The following SRRM1 variants were observed in gnomAD, a reference collection of about 807,000 sequenced individuals.
The protein encoded by SRRM1 is serine and arginine repetitive matrix 1.
Under a neutral mutation model 110.2 loss-of-function variants are expected in SRRM1, and 19 were observed. That is an observed-to-expected ratio of 0.17 (90% CI 0.12 to 0.25). SRRM1 has a LOEUF of 0.25. SRRM1 is among the 10% of genes least tolerant of loss of function. The pLI is 1.00. For synonymous variants in SRRM1, 443 were observed against 414.9 expected (o/e 1.07, Z -0.82); for missense variants, 918 against 1,145.8 (o/e 0.80, Z 2.87).
chr1:24,660,638 A>G (rs1666700227), intron 9 of SRRM1, 81 bp from the exon 10 acceptor site: 1 of 636,300 alleles, frequency 1.6e-6, no homozygotes, highest in Non-Finnish European at 2.6e-6. Context: ...ATAATAATAA[A>G]TTTTTAAAAA....
In SRRM1 at chr1:24,672,929, G is replaced by C. The variant is rs1381027323; in HGVS notation, c.*643G>C. Reference sequence around the variant, plus strand: ...TATTGATGTGTAACAAGTTGATTTGGAACACTGGACTCTCATTCTGTTATT... The same window carrying C: ...TATTGATGTGTAACAAGTTGATTTGCAACACTGGACTCTCATTCTGTTATT... On this transcript the variant is annotated 3_prime_UTR_variant, in exon 17 of 17. Coordinates refer to ENST00000323848, the MANE Select transcript of SRRM1 (RefSeq NM_005839.4). 1.3e-5 allele frequency: 2 copies of C among 152,454 alleles called. No individual in the cohort carries two copies. Among genetic ancestry groups the C allele is most frequent in the Non-Finnish European group, 2.9e-5 (2 of 68,042 alleles). The allele number at this position is 152,454 out of a possible 1,614,324, so 9.4% of individuals were successfully genotyped here.
At chr1:24,658,303 C>T (rs1570901778) in intron 9 of SRRM1, among the ~76,000 whole-genome samples, 8 of 151,300 alleles carry the variant, frequency 5.3e-5, no homozygotes, top group Admixed American at 5.3e-4. Context: ...CTCTGCCTCC[C>T]AGGTTCAAGC....
intron 9 of SRRM1, 89 bp downstream of exon 9, chr1:24,655,218 T>C (rs1663342870): frequency 7.3e-7 from 1 of 1,362,228 alleles, no homozygotes; most frequent in Non-Finnish European, 1.0e-6. Context: ...TCTCAAAGTA[T>C]GAAATAGCTA....
intron 5 of SRRM1, among the ~76,000 whole-genome samples, 179 bp from the exon 6 acceptor site, chr1:24,651,230 C>T (rs1660485194): frequency 6.6e-6 from 1 of 152,142 alleles, no homozygotes. Flanking sequence ...TGTTATCTTT[C>T]ATTTGCTTGT....
intron 9 of SRRM1, among the ~76,000 whole-genome samples, chr1:24,658,668 CTT>C (rs936131009): frequency 1.3e-5 from 2 of 152,024 alleles, no homozygotes; most frequent in African/African-American, 4.8e-5. Flanking sequence ...CCCATAATAT[CTT>C]TGCAGAAATT....
At chr1:24,660,981 TC>T (rs1397903280) in intron 10 of SRRM1, 182 bp downstream of exon 10, 3 of 543,258 alleles carry the variant, frequency 5.5e-6, no homozygotes, top group Non-Finnish European at 9.9e-6. Context: ...TTTAACTGTT[TC>T]TGTTTTAATT....
chr1:24,661,447 A>G (rs1339154579), intron 11 of SRRM1, 51 bp downstream of exon 11: 4 of 1,323,158 alleles, frequency 3.0e-6, no homozygotes, highest in Admixed American at 1.9e-5. Flanking sequence ...CTATTAAAAA[A>G]TACTTGGTAT....
intron 2 of SRRM1, 25 bp from the exon 3 acceptor site, chr1:24,646,639 GTAC>G (rs1235907252): frequency 6.5e-7 from 1 of 1,543,552 alleles, no homozygotes; most frequent in African/African-American, 1.5e-5. Flanking sequence ...TTGTGAAGTT[GTAC>G]TTAATTGTTT....
intron 16 of SRRM1, among the ~76,000 whole-genome samples, chr1:24,671,952 G>T (rs921796788): frequency 6.6e-6 from 1 of 150,752 alleles, no homozygotes; most frequent in Non-Finnish European, 1.5e-5. Flanking sequence ...TTAAGTTTTA[G>T]GGTACATGTG....
At chr1:24,648,134 G>A (rs1163366899) in intron 3 of SRRM1, 2 of 152,146 alleles carry the variant, frequency 1.3e-5, no homozygotes, top group South Asian at 4.1e-4. Context: ...AACCCCCAAG[G>A]TTCCAAGAAG....
rs1276824476 is a variant in SRRM1 at position 24,668,917 on chromosome 1, CTGCAGACAGTGTCCTGTGT to C, written c.1740-200_1740-182del. Among the ~76,000 whole-genome samples the C allele has an allele frequency of 7.5e-4, 114 of 152,124 alleles. 1 individual carries two copies. Among genetic ancestry groups the C allele is most frequent in the African/African-American group, 2.7e-3 (110 of 41,480 alleles). ...CTTTTTTTCTTTTTTGTACTTAGTC[CTGCAGACAGTGTCCTGTGT>C]TGCAGTCAGCTGAGATAAACAAGTT... On this transcript the variant is annotated intron_variant, in intron 13 of 16. Transcript: ENST00000323848.
chr1:24,670,289 C>G lies in SRRM1; in HGVS notation c.2374C>G (p.Pro792Ala). Residue 792 changes from proline (P) to alanine (A), a missense_variant, in exon 15 of 17, where the codon CCA becomes GCA. Physicochemically the swap from Pro to Ala is conservative, Grantham distance 27 (BLOSUM62 -1). Around this residue, in one of 5 missense-constraint regions of SRRM1, gnomAD observed 357 missense variants for 402.9 expected, o/e 0.89. Transcript: ENST00000323848. The stretch of plus-strand genomic sequence containing the variant: ...TGTACCGGTCAAAAAGGCCAAAAGC[C>G]CAACACCGAGCCCATCACCGCCAAG... ...PAVPVKKAKS[P>A]TPSPSPPRNS... 1.9e-6 allele frequency: 3 copies of G among 1,613,294 alleles called. No individual in the cohort carries two copies. Among genetic ancestry groups the G allele is most frequent in the Non-Finnish European group, 2.5e-6 (3 of 1,179,750 alleles).
intron 4 of SRRM1, 37 bp from the exon 5 acceptor site, chr1:24,649,934 T>C: frequency 6.6e-7 from 1 of 1,508,366 alleles, no homozygotes; most frequent in Non-Finnish European, 8.8e-7. Flanking sequence ...TTCTCAAATG[T>C]TCAACTATGT....
At chr1:24,664,646 A>G (rs1668976546) in intron 12 of SRRM1, among the ~76,000 whole-genome samples, 1 of 152,206 alleles carries the variant, frequency 6.6e-6, no homozygotes. Context: ...TTGGAAAGGA[A>G]CCAGTGAGCA....
At chr1:24,657,617 G>A (rs531786539) in intron 9 of SRRM1, among the ~76,000 whole-genome samples, 2 of 152,308 alleles carry the variant, frequency 1.3e-5, no homozygotes, top group African/African-American at 4.8e-5. Flanking sequence ...CAAATGGAGT[G>A]GGAGGGAGGC....
At chr1:24,669,097 A>G (rs1283132370) in intron 13 of SRRM1, 26 bp from the exon 14 acceptor site, 1 of 1,586,056 alleles carries the variant, frequency 6.3e-7, no homozygotes, top group African/African-American at 1.4e-5. Flanking sequence ...TGAGCCTTTC[A>G]GCTTAATTAT....
chr1:24,663,107 A>G (rs1052721588), intron 12 of SRRM1: 1 of 1,302,134 alleles, frequency 7.7e-7, no homozygotes, highest in Non-Finnish European at 1.1e-6. Flanking sequence ...TGTCTCCATT[A>G]ATGGTACTTA....
intron 12 of SRRM1, chr1:24,663,102 C>T (rs935175320): frequency 7.8e-7 from 1 of 1,274,326 alleles, no homozygotes; most frequent in African/African-American, 1.5e-5. Context: ...AAAAATGTCT[C>T]CATTAATGGT....
chr1:24,652,696 A>T, intron 7 of SRRM1, 68 bp downstream of exon 7: 1 of 1,424,622 alleles, frequency 7.0e-7, no homozygotes, highest in Non-Finnish European at 9.4e-7. Flanking sequence ...GTACAATTAG[A>T]TAAATAATTT....
Sources: allele counts gnomAD v4.1 joint callset (sites outside exome capture counted in the v4.1 genomes callset), GRCh38; gene constraint gnomAD v4.1.1; regional missense constraint gnomAD v4.1.1; transcripts MANE v1.5; gene names NCBI Gene and HGNC (gene_info 2026-07-23, HGNC 2026-07-21).